The following SLC8A1 variants were observed in gnomAD, a reference collection of about 807,000 sequenced individuals.
The protein encoded by SLC8A1 is solute carrier family 8 member A1.
SLC8A1 carries 18 observed loss-of-function variants against 68.3 expected under a neutral mutation model. That is an observed-to-expected ratio of 0.26 (90% confidence interval 0.18 to 0.39). SLC8A1 has a LOEUF of 0.39. Ranked by LOEUF, SLC8A1 falls within the 10% of genes least tolerant of loss-of-function variation. SLC8A1 has a pLI of 1.00. For synonymous variants in SLC8A1, 475 were observed against 415.5 expected, an observed-to-expected ratio of 1.14 and a Z score of -1.74; for missense variants, 985 against 1,156.7, an observed-to-expected ratio of 0.85 and a Z score of 2.15.
At chr2:40,188,167 C>A in intron 2 of SLC8A1, among the ~76,000 whole-genome samples, 1 of 152,126 alleles carries the variant, frequency 6.6e-6, no homozygotes, top group Middle Eastern at 3.4e-3. Flanking sequence ...TTTAACAAAA[C>A]GATGGCAGAT....
At chr2:40,366,281 T>A (rs1044473936) in intron 2 of SLC8A1, among the ~76,000 whole-genome samples, 27 of 152,114 alleles carry the variant, frequency 1.8e-4, no homozygotes, top group Non-Finnish European at 2.1e-4. Context: ...CAGTTGCTAG[T>A]GCTTGCTAAA....
intron 2 of SLC8A1, among the ~76,000 whole-genome samples, chr2:40,255,871 C>A (rs1476490177): frequency 6.6e-6 from 1 of 152,122 alleles, no homozygotes; most frequent in Non-Finnish European, 1.5e-5. Context: ...AAGAAACTTC[C>A]ACTAAAAAGA....
intron 2 of SLC8A1, among the ~76,000 whole-genome samples, chr2:40,199,106 A>G (rs2053647087): frequency 7.6e-6 from 1 of 131,506 alleles, no homozygotes; most frequent in Non-Finnish European, 1.7e-5. Flanking sequence ...AAGACTCCAA[A>G]AATTAATCTG....
chr2:40,107,561 C>T (rs1209670009), exon 8 of SLC8A1: 2 of 152,108 alleles, frequency 1.3e-5, no homozygotes, highest in African/African-American at 2.4e-5. Flanking sequence ...AAAAGTACTT[C>T]TCTTTGTATT....
At chr2:40,105,567 G>A (rs1208694932) in exon 8 of SLC8A1, 2 of 152,302 alleles carry the variant, frequency 1.3e-5, no homozygotes, top group Non-Finnish European at 2.9e-5. Context: ...GGATGCAAGT[G>A]TAGACACCTC....
At chr2:40,316,144 A>T (rs1318591745) in intron 2 of SLC8A1, among the ~76,000 whole-genome samples, 3 of 152,096 alleles carry the variant, frequency 2.0e-5, no homozygotes, top group Admixed American at 1.3e-4. Context: ...TGAAAAAGAA[A>T]GTGTCAATTG....
At chr2:40,388,040 C>G (rs972213967) in intron 2 of SLC8A1, among the ~76,000 whole-genome samples, 1 of 151,486 alleles carries the variant, frequency 6.6e-6, no homozygotes, top group African/African-American at 2.4e-5. Flanking sequence ...CTCAAATTGG[C>G]ATCTCTAAAT....
chr2:40,266,432 T>C (rs962179911), intron 2 of SLC8A1, among the ~76,000 whole-genome samples: 1 of 152,134 alleles, frequency 6.6e-6, no homozygotes, highest in Non-Finnish European at 1.5e-5. Context: ...CATCTTGTGA[T>C]CATTAAGGTT....
intron 2 of SLC8A1, among the ~76,000 whole-genome samples, chr2:40,248,788 C>CAA (rs2062266979): frequency 6.6e-6 from 1 of 152,128 alleles, no homozygotes; most frequent in South Asian, 2.1e-4. Flanking sequence ...GAAGGTGGGA[C>CAA]TACTGGCTGT....
rs544031752 is a variant in SLC8A1 at position 40,321,232 on chromosome 2, T to A, written c.1808+107241A>T. On this transcript the variant is annotated intron_variant, in intron 2 of 7. Coordinates refer to ENST00000406785, the Ensembl canonical transcript of SLC8A1. ...TCCTTTTCACATAATGACTTTAGCA[T>A]CTCATGGACAAACATCTGTTAAGGA... 5.3e-5 allele frequency among the ~76,000 whole-genome samples: 8 copies of A among 152,270 alleles called. 1 individual carries two copies. The highest frequency in any genetic ancestry group is 1.9e-4 in the African/African-American group (8 of 41,560).
intron 2 of SLC8A1, among the ~76,000 whole-genome samples, chr2:40,329,085 C>A (rs1025365066): frequency 6.6e-6 from 1 of 151,444 alleles, no homozygotes; most frequent in Non-Finnish European, 1.5e-5. Context: ...CACACACACA[C>A]ACACACACAC....
intron 2 of SLC8A1, among the ~76,000 whole-genome samples, chr2:40,314,200 T>C (rs901054591): frequency 6.6e-5 from 10 of 152,088 alleles, no homozygotes; most frequent in African/African-American, 2.4e-4. Flanking sequence ...TAGATCAAAA[T>C]TCATTTTTTA....
At chr2:40,196,489 T>C (rs1018474851) in intron 2 of SLC8A1, among the ~76,000 whole-genome samples, 1 of 152,006 alleles carries the variant, frequency 6.6e-6, no homozygotes, top group Non-Finnish European at 1.5e-5. Flanking sequence ...TTGCATTTCC[T>C]GTGAAGCTTT....
At chr2:40,451,729 ACAC>A (rs1234632540) in intron 1 of SLC8A1, among the ~76,000 whole-genome samples, 172 bp downstream of exon 1, 17 of 136,698 alleles carry the variant, frequency 1.2e-4, no homozygotes, top group African/African-American at 2.8e-4. Flanking sequence ...AGGCGCGCAC[ACAC>A]CACATCACAC....
intron 2 of SLC8A1, among the ~76,000 whole-genome samples, chr2:40,354,545 T>C (rs1463823850): frequency 6.6e-6 from 1 of 152,154 alleles, no homozygotes; most frequent in Non-Finnish European, 1.5e-5. Flanking sequence ...CTTTAGTTGA[T>C]GGCTTGGCAG....
At position 40,201,922 on chromosome 2, in the gene SLC8A1, A is replaced by G. The variant is rs759664595; in HGVS notation, c.1809-24067T>C. 2.6e-4 allele frequency among the ~76,000 whole-genome samples: 40 copies of G among 151,950 alleles called. 1 individual carries two copies. Among genetic ancestry groups the G allele is most frequent in the Admixed American group, 1.1e-3 (17 of 15,214 alleles). On this transcript the variant is annotated intron_variant, in intron 2 of 7. Coordinates refer to ENST00000406785, the Ensembl canonical transcript of SLC8A1. ...TAGCTGGCTTACAACCTACATATCTATGTGCCTCTTTGCAGCACATGGAGG... is the reference window on the plus strand; with the variant it reads ...TAGCTGGCTTACAACCTACATATCTGTGTGCCTCTTTGCAGCACATGGAGG...
chr2:40,336,758 T>C (rs1666107570), intron 2 of SLC8A1, among the ~76,000 whole-genome samples: 1 of 152,174 alleles, frequency 6.6e-6, no homozygotes, highest in Non-Finnish European at 1.5e-5. Flanking sequence ...TTATTCATGT[T>C]TTCTTTTTTC....
chr2:40,145,178 T>C (rs1377380694), intron 6 of SLC8A1, among the ~76,000 whole-genome samples: 1 of 140,360 alleles, frequency 7.1e-6, no homozygotes, highest in South Asian at 2.2e-4. Flanking sequence ...AGTGAGACCA[T>C]GCAATATTTT....
At chr2:40,494,213 A>C (rs1278297413) in intron 1 of SLC8A1, among the ~76,000 whole-genome samples, 1 of 152,102 alleles carries the variant, frequency 6.6e-6, no homozygotes, top group Admixed American at 6.6e-5. Flanking sequence ...GCTTTCAGCT[A>C]CCTGGACATT....
Sources: allele counts gnomAD v4.1 joint callset (sites outside exome capture counted in the v4.1 genomes callset), GRCh38; gene constraint gnomAD v4.1.1; transcripts MANE v1.5; gene names NCBI Gene and HGNC (gene_info 2026-07-23, HGNC 2026-07-21).